Variants in RPA3 observed in about 807,000 individuals in gnomAD.
RPA3 encodes replication protein A 14 kDa subunit.
In RPA3, 24 loss-of-function variants were observed where a neutral mutation model predicts 13.7. The ratio of observed to expected loss-of-function variants is 1.75; its 90% CI spans 1.27 to 2.46. The LOEUF (loss-of-function observed/expected upper bound fraction) is 2.46. Among genes scored for constraint, RPA3 ranks in the 30% most tolerant of loss-of-function variants. The pLI, the probability that RPA3 is intolerant of heterozygous loss-of-function variation, is 0.00. For synonymous variants in RPA3, 59 were observed against 51.2 expected (o/e 1.15, Z -0.65); for missense variants, 183 against 151.0 (o/e 1.21, Z -1.11).
chr7:7,672,230 C>G (rs1779624230), intron 4 of RPA3, among the ~76,000 whole-genome samples: 1 of 152,178 alleles, frequency 6.6e-6, no homozygotes, highest in Non-Finnish European at 1.5e-5. Context: ...TTGTAAGGAA[C>G]TGTCCTCAGA....
intron 4 of RPA3, among the ~76,000 whole-genome samples, chr7:7,669,198 T>A (rs1331524598): frequency 6.6e-6 from 1 of 152,138 alleles, no homozygotes; most frequent in Admixed American, 6.5e-5. Context: ...GTTTCAGGTG[T>A]CTACTTGGGA....
intron 4 of RPA3, among the ~76,000 whole-genome samples, chr7:7,682,613 G>T (rs1779941350): frequency 6.6e-6 from 1 of 152,082 alleles, no homozygotes; most frequent in Admixed American, 6.6e-5. Flanking sequence ...AAACTAAACA[G>T]GTTTTCAACA....
chr7:7,671,565 A>G (rs1473705319), intron 4 of RPA3, among the ~76,000 whole-genome samples: 1 of 152,136 alleles, frequency 6.6e-6, no homozygotes, highest in Non-Finnish European at 1.5e-5. Context: ...GCCTTTTCCA[A>G]TTGTGTAAGT....
chr7:7,664,921 C>T (rs189331307), intron 4 of RPA3, among the ~76,000 whole-genome samples: 12 of 152,102 alleles, frequency 7.9e-5, no homozygotes, highest in Non-Finnish European at 1.8e-4. Context: ...GGTTAAACAT[C>T]GTTCAGGATT....
At position 7,636,922 on chromosome 7, in the gene RPA3, C is replaced by A. The variant is rs1784875560; in HGVS notation, c.*78G>T. Reference sequence around the variant, plus strand: ...ATTAAATATGAGAAAGCACAGAAATCTCTCCCTCAAACAAGAAGGGCTTCC... The same window carrying A: ...ATTAAATATGAGAAAGCACAGAAATATCTCCCTCAAACAAGAAGGGCTTCC... On this transcript the variant is annotated 3_prime_UTR_variant, in exon 8 of 8. Transcript: ENST00000223129. The A allele has an allele frequency of 1.9e-6, 2 of 1,027,264 alleles. No homozygotes were observed. The highest frequency in any genetic ancestry group is 3.0e-6 in the Non-Finnish European group (2 of 668,192). 63.6% of individuals were successfully genotyped at this position (1,027,264 alleles called of 1,614,324 possible).
At chr7:7,703,491 A>G (rs17169565) in intron 2 of RPA3, among the ~76,000 whole-genome samples, 14,553 of 152,286 alleles carry the variant, frequency 0.096, 887 homozygotes, top group African/African-American at 0.17. Context: ...GATATAGCAC[A>G]TACACATAAT....
intron 4 of RPA3, among the ~76,000 whole-genome samples, chr7:7,672,393 AG>A (rs1222760768): frequency 6.6e-6 from 1 of 152,132 alleles, no homozygotes; most frequent in Non-Finnish European, 1.5e-5. Flanking sequence ...TGTGTGTATG[AG>A]GGATGGTCAC....
intron 4 of RPA3, among the ~76,000 whole-genome samples, chr7:7,643,660 C>A (rs1375768341): frequency 6.6e-6 from 1 of 150,530 alleles, no homozygotes; most frequent in African/African-American, 2.4e-5. Context: ...TGCAGTGAGC[C>A]GAGATCGCGC....
intron 4 of RPA3, among the ~76,000 whole-genome samples, chr7:7,672,978 G>A (rs532941114): frequency 5.9e-4 from 90 of 152,148 alleles, no homozygotes; most frequent in Non-Finnish European, 9.0e-4. Context: ...ACCCAAACCA[G>A]TGTCTGTTTT....
intron 4 of RPA3, among the ~76,000 whole-genome samples, chr7:7,683,499 A>T (rs867798366): frequency 6.6e-6 from 1 of 152,232 alleles, no homozygotes; most frequent in African/African-American, 2.4e-5. Flanking sequence ...TGAGCCATAA[A>T]CAAAAAGCAA....
rs776102769 is a variant in RPA3 at position 7,673,368 on chromosome 7, A to AGCAGCG, written c.-758+12461_-758+12462insCGCTGC. The AGCAGCG allele has an allele frequency of 1.5e-4, 167 of 1,125,956 alleles. 2 individuals carry two copies. In the African/African-American group the frequency reaches 2.3e-3, roughly 16 times the overall value. The allele number at this position is 1,125,956 out of a possible 1,614,324, so 69.7% of individuals were successfully genotyped here. On this transcript the variant is annotated intron_variant, in intron 4 of 7. Coordinates refer to ENST00000223129, the MANE Select transcript of RPA3 (RefSeq NM_002947.5). ...CAGCAGCAGCAGCAGCAGCAGCAGC[A>AGCAGCG]GCAATGTTTCACTTCTTCAGAAAGC...
intron 2 of RPA3, among the ~76,000 whole-genome samples, chr7:7,704,700 G>C (rs534791065): frequency 4.1e-5 from 6 of 145,190 alleles, no homozygotes; most frequent in African/African-American, 1.5e-4. Context: ...CCAGGGGGTG[G>C]AGGTTGCAGT....
At chr7:7,688,843 A>G (rs1006658777) in intron 2 of RPA3, among the ~76,000 whole-genome samples, 2 of 152,188 alleles carry the variant, frequency 1.3e-5, no homozygotes, top group African/African-American at 4.8e-5. Flanking sequence ...AGCTTTTGTA[A>G]TGACTTGTAA....
intron 2 of RPA3, among the ~76,000 whole-genome samples, chr7:7,710,401 G>A (rs946505930): frequency 2.0e-5 from 3 of 152,098 alleles, no homozygotes; most frequent in African/African-American, 7.2e-5. Flanking sequence ...ATTAGAAAAT[G>A]GGCAAAAGAC....
chr7:7,699,052 G>T (rs1038733140), intron 2 of RPA3, among the ~76,000 whole-genome samples: 67 of 65,052 alleles, frequency 1.0e-3, no homozygotes, highest in Admixed American at 2.9e-3. Flanking sequence ...GTGTGTGTGG[G>T]GGGGGGGTAG....
chr7:7,716,522 C>T (rs927456873), intron 1 of RPA3, among the ~76,000 whole-genome samples: 2 of 152,244 alleles, frequency 1.3e-5, no homozygotes, highest in African/African-American at 4.8e-5. Context: ...TAAAGGGCCA[C>T]TTGGAAGCCA....
chr7:7,665,048 C>T (rs1779403014), intron 4 of RPA3, among the ~76,000 whole-genome samples: 1 of 151,992 alleles, frequency 6.6e-6, no homozygotes, highest in East Asian at 1.9e-4. Flanking sequence ...CATGTATTTA[C>T]ATTATTCTGT....
At chr7:7,713,206 T>C (rs1780810819) in intron 2 of RPA3, among the ~76,000 whole-genome samples, 1 of 151,458 alleles carries the variant, frequency 6.6e-6, no homozygotes, top group Non-Finnish European at 1.5e-5. Context: ...TAGCTGGGCA[T>C]GGTGGCGTGC....
At chr7:7,704,772 A>C (rs1218169818) in intron 2 of RPA3, among the ~76,000 whole-genome samples, 1 of 147,958 alleles carries the variant, frequency 6.8e-6, no homozygotes, top group Non-Finnish European at 1.5e-5. Context: ...ATCTCAAAAA[A>C]AAAAAAAAAA....
Sources: gnomAD v4.1 joint callset for allele counts (sites outside exome capture counted in the v4.1 genomes callset) on GRCh38, gnomAD v4.1.1 for gene constraint, MANE v1.5 for transcripts, NCBI Gene and HGNC (gene_info 2026-07-23, HGNC 2026-07-21) for gene names.